Variants in IGF1R observed in about 807,000 individuals in gnomAD.
IGF1R encodes insulin-like growth factor 1 receptor.
In IGF1R, 44 loss-of-function variants were observed where a neutral mutation model predicts 144.6. The observed-to-expected ratio is 0.30, with a 90% CI of 0.24 to 0.39. The LOEUF (loss-of-function observed/expected upper bound fraction) is 0.39, where lower values mean the gene tolerates loss of function less well. Ranked by LOEUF, IGF1R falls within the 10% of genes least tolerant of loss-of-function variation. The pLI is 1.00. For missense variants in IGF1R, 1,355 were observed against 1,833.7 expected, an observed-to-expected ratio of 0.74 and a Z score of 4.77; for synonymous variants, 795 against 722.8, an observed-to-expected ratio of 1.10 and a Z score of -1.60.
intron 2 of IGF1R, among the ~76,000 whole-genome samples, chr15:98,846,993 T>C (rs1019449964): frequency 6.6e-6 from 1 of 152,194 alleles, no homozygotes; most frequent in African/African-American, 2.4e-5. Context: ...TTCTTTTTTT[T>C]GGACACAAAT....
chr15:98,803,916 T>G lies in IGF1R; in HGVS notation c.641-87409T>G, dbSNP rs935728931. 2.6e-5 allele frequency among the ~76,000 whole-genome samples: 4 copies of G among 152,250 alleles called. No homozygotes were observed. In the East Asian group the frequency reaches 7.7e-4, roughly 29 times the overall value. ...CACTTATTATCATTATCACATATTA[T>G]GTACTGTGCACTGTTGTACGTGCTG... On this transcript the variant is annotated intron_variant, in intron 2 of 20. Transcript: ENST00000650285.
At position 98,930,237 on chromosome 15, in the gene IGF1R, A is replaced by G. The variant is rs551401830; in HGVS notation, c.2888A>G (p.Asn963Ser). 40 of 1,612,348 alleles carry G rather than the reference A, an allele frequency of 2.5e-5. No homozygotes were observed. The highest frequency in any genetic ancestry group is 7.7e-5 in the South Asian group (7 of 90,920). The stretch of plus-strand genomic sequence containing the variant: ...CGTGAATTTAATCTTTTTGACAGAA[A>G]TAACAGCAGGCTGGGGAATGGAGTG... ...IMLYVFHRKR[N>S]NSRLGNGVLY... Residue 963 changes from asparagine (N) to serine (S), a missense_variant and splice_region_variant, in exon 15 of 21, where the codon AAT (asparagine) becomes AGT (serine). Physicochemically the swap from Asn to Ser is conservative, Grantham distance 46. Coordinates refer to ENST00000650285, the MANE Select transcript of IGF1R (RefSeq NM_000875.5).
At chr15:98,951,617 G>A (rs1270195593) in intron 20 of IGF1R, among the ~76,000 whole-genome samples, 1 of 152,254 alleles carries the variant, frequency 6.6e-6, no homozygotes, top group Non-Finnish European at 1.5e-5. Context: ...GTCCGCCGGG[G>A]CTGCAGTCAT....
At chr15:98,761,575 C>T (rs2055296105) in intron 2 of IGF1R, among the ~76,000 whole-genome samples, 1 of 152,238 alleles carries the variant, frequency 6.6e-6, no homozygotes, top group Admixed American at 6.5e-5. Context: ...CTACCACTCA[C>T]TGTCACCTCC....
At chr15:98,663,038 C>T (rs1417246649) in intron 1 of IGF1R, among the ~76,000 whole-genome samples, 1 of 151,972 alleles carries the variant, frequency 6.6e-6, no homozygotes, top group African/African-American at 2.4e-5. Context: ...CCGGTGTGAG[C>T]CAGTGATGGT....
chr15:98,743,427 T>C (rs1879420342), intron 2 of IGF1R, among the ~76,000 whole-genome samples: 2 of 152,308 alleles, frequency 1.3e-5, no homozygotes, highest in Admixed American at 1.3e-4. Flanking sequence ...GTCATTTGTG[T>C]AGAGTGGCAT....
Position 98,937,703 on chromosome 15 carries a change from C to G in IGF1R, c.3298-1498C>G, listed in dbSNP as rs538984081. Among the ~76,000 whole-genome samples the G allele has an allele frequency of 3.9e-5, 6 of 152,320 alleles. No homozygotes were observed. In the South Asian group the frequency reaches 6.2e-4, roughly 16 times the overall value. ...AAGAATGGCAGTGTAACACCATGAA[C>G]TGACAAAATTTCAGCCCTCTGTCTT... On this transcript the variant is annotated intron_variant, in intron 17 of 20. Coordinates refer to ENST00000650285, the MANE Select transcript of IGF1R (RefSeq NM_000875.5).
At chr15:98,845,373 C>T (rs1321515944) in intron 2 of IGF1R, among the ~76,000 whole-genome samples, 1 of 149,332 alleles carries the variant, frequency 6.7e-6, no homozygotes, top group African/African-American at 2.5e-5. Flanking sequence ...ATTCTTCTCT[C>T]TCCTCCTCCT....
At chr15:98,895,339 C>A (rs1187855850) in intron 3 of IGF1R, among the ~76,000 whole-genome samples, 1 of 151,890 alleles carries the variant, frequency 6.6e-6, no homozygotes, top group Non-Finnish European at 1.5e-5. Context: ...TGGATGAAGG[C>A]TATGTGGGAT....
At chr15:98,671,775 T>C (rs1200337895) in intron 1 of IGF1R, among the ~76,000 whole-genome samples, 1 of 152,118 alleles carries the variant, frequency 6.6e-6, no homozygotes, top group Non-Finnish European at 1.5e-5. Flanking sequence ...AAAGTGGCCA[T>C]TGAAAGAAAA....
intron 1 of IGF1R, among the ~76,000 whole-genome samples, chr15:98,678,060 G>T (rs1028737381): frequency 2.6e-5 from 4 of 152,170 alleles, no homozygotes; most frequent in Non-Finnish European, 5.9e-5. Context: ...AGAATTGCCT[G>T]TCTTGTTTTC....
chr15:98,803,255 T>C (rs895535352), intron 2 of IGF1R, among the ~76,000 whole-genome samples: 1 of 152,250 alleles, frequency 6.6e-6, no homozygotes, highest in Non-Finnish European at 1.5e-5. Context: ...AGCATGTTGC[T>C]GTTCTGAACG....
chr15:98,715,170 C>G (rs2054085084), intron 2 of IGF1R, among the ~76,000 whole-genome samples: 1 of 152,202 alleles, frequency 6.6e-6, no homozygotes, highest in Admixed American at 6.5e-5. Context: ...AGCTCACATT[C>G]TCTTCTGCCT....
chr15:98,743,787 A>G (rs551606544), intron 2 of IGF1R, among the ~76,000 whole-genome samples: 77 of 152,298 alleles, frequency 5.1e-4, no homozygotes, highest in African/African-American at 1.8e-3. Context: ...TCAGGAAGCA[A>G]TTGGAGTAGG....
At chr15:98,651,975 C>T (rs999053119) in intron 1 of IGF1R, among the ~76,000 whole-genome samples, 1 of 152,196 alleles carries the variant, frequency 6.6e-6, no homozygotes, top group African/African-American at 2.4e-5. Context: ...AAATAAGCTG[C>T]TGAGCCCTAT....
chr15:98,699,631 C>T (rs761054393), intron 1 of IGF1R, among the ~76,000 whole-genome samples: 25 of 152,140 alleles, frequency 1.6e-4, no homozygotes, highest in Non-Finnish European at 3.2e-4. Context: ...GGCTTGTGTT[C>T]CCTTTAGTCT....
At position 98,894,325 on chromosome 15, in the gene IGF1R, A is replaced by G. The variant is rs573320188; in HGVS notation, c.954-2432A>G. 4.6e-5 allele frequency among the ~76,000 whole-genome samples: 7 copies of G among 152,356 alleles called. No individual in the cohort carries two copies. The South Asian group carries it at 1.0e-3, about 23-fold the overall frequency. On this transcript the variant is annotated intron_variant, in intron 3 of 20. Coordinates refer to ENST00000650285, the MANE Select transcript of IGF1R (RefSeq NM_000875.5). ...CCAGCAGTTGTAACCCTGGATATTT[A>G]TCACAGAGAAATGAAATTTATGTCA...
At chr15:98,742,236 A>G (rs950774803) in intron 2 of IGF1R, among the ~76,000 whole-genome samples, 3 of 152,212 alleles carry the variant, frequency 2.0e-5, no homozygotes, top group Non-Finnish European at 4.4e-5. Context: ...TATCTGTTCA[A>G]GGTTAGCCTA....
intron 1 of IGF1R, among the ~76,000 whole-genome samples, chr15:98,652,269 A>T (rs2052387214): frequency 6.6e-6 from 1 of 152,240 alleles, no homozygotes. Flanking sequence ...TTTTGTTTTT[A>T]AAAAGTCAGC....
Sources: gnomAD v4.1 joint callset for allele counts (sites outside exome capture counted in the v4.1 genomes callset) on GRCh38, gnomAD v4.1.1 for gene constraint, MANE v1.5 for transcripts, NCBI Gene and HGNC (gene_info 2026-07-23, HGNC 2026-07-21) for gene names.